The following TTN variants were observed in gnomAD, a reference collection of about 807,000 sequenced individuals.
The protein encoded by TTN is titin, also known as connectin.
A neutral mutation model predicts 3,223.0 loss-of-function variants in TTN; 1,525 were observed. The observed-to-expected ratio is 0.47, with a 90% CI of 0.45 to 0.49. The LOEUF is 0.49. Ranked by LOEUF, TTN falls within the 20% of genes least tolerant of loss-of-function variation. The pLI, the probability that TTN is intolerant of heterozygous loss-of-function variation, is 0.00. For missense variants in TTN, 40,786 were observed against 43,424.0 expected (o/e 0.94, Z 5.40); for synonymous variants, 14,094 against 15,161.0 (o/e 0.93, Z 5.17).
chr2:178,558,712 C>T (rs1702433209), intron 326 of TTN, 75 bp from the exon 327 acceptor site: 2 of 1,432,686 alleles, frequency 1.4e-6, no homozygotes, highest in African/African-American at 1.4e-5. Flanking sequence ...CATGTATTGT[C>T]AAAAGAAAAC....
rs755188257 is a variant in TTN, at chr2:178,532,404, A to G, written c.104211T>C (p.Ala34737=). The change falls in exon 358 of 363, where the codon GCT becomes GCC. Residue 34737 remains alanine, a synonymous_variant. Transcript: ENST00000589042. The part of the protein sequence containing the change: ...RYSTYHIPTK[A]EASTSYAELR... Reference sequence around the variant, plus strand: ...GTTCTGCATAACTTGTACTAGCTTCAGCCTTCGTTGGGATGTGATAGGTTG... The same window carrying G: ...GTTCTGCATAACTTGTACTAGCTTCGGCCTTCGTTGGGATGTGATAGGTTG... 6.2e-7 allele frequency: 1 copy of G among 1,613,976 alleles called. No homozygotes were observed. The highest frequency in any genetic ancestry group is 1.1e-5 in the South Asian group (1 of 91,088).
intron 10 of TTN, 103 bp downstream of exon 10, chr2:178,791,969 C>T (rs921859060): frequency 3.1e-5 from 40 of 1,301,566 alleles, no homozygotes; most frequent in Non-Finnish European, 3.9e-5. Flanking sequence ...AAATATACAA[C>T]CAAAGACTTC....
At chr2:178,779,927 A>C (rs927827822) in intron 22 of TTN, 73 bp downstream of exon 22, 17 of 1,507,054 alleles carry the variant, frequency 1.1e-5, no homozygotes, top group African/African-American at 8.3e-5. Context: ...TCACTTGAAA[A>C]TGAAAATATC....
chr2:178,553,470 T>A (rs749089796), intron 334 of TTN, 32 bp downstream of exon 334: 18 of 1,580,660 alleles, frequency 1.1e-5, no homozygotes, highest in Non-Finnish European at 1.5e-5. Context: ...GTATGCTTAT[T>A]AAAAAACATA....
chr2:178,534,402 T>C lies in TTN; in HGVS notation c.102213A>G (p.Pro34071=), dbSNP rs879066988. The C allele has an allele frequency of 1.7e-5, 27 of 1,611,080 alleles. No individual in the cohort carries two copies. The highest frequency in any genetic ancestry group is 2.2e-5 in the Non-Finnish European group (26 of 1,179,820). The change falls in exon 358 of 363, where the codon CCA becomes CCG. Residue 34071 remains proline (P), a synonymous_variant. Transcript: ENST00000589042. ...RMTASEALQH[P]WLKQKIERVS... ...CTCTTTCTATCTTCTGCTTCAACCATGGGTGCTGGAGAGCCTCCGATGCTG... is the reference window on the plus strand; with the variant it reads ...CTCTTTCTATCTTCTGCTTCAACCACGGGTGCTGGAGAGCCTCCGATGCTG...
Position 178,574,816 on chromosome 2 carries a change from A to G in TTN, c.71316T>C (p.Thr23772=), listed in dbSNP as rs1317521300. The G allele has an allele frequency of 6.2e-7, 1 of 1,612,780 alleles. No individual in the cohort carries two copies. Among genetic ancestry groups the G allele is most frequent in the Non-Finnish European group, 8.5e-7 (1 of 1,179,274 alleles). ...YVVEMRQTDS[T]TWVELATTVI... ...CGGTGGTTGCTAACTCAACCCAGGT[A>G]GTACTGTCAGTCTGCCGCATTTCCA... The change falls in exon 326 of 363, where the codon ACT becomes ACC. Residue 23772 remains threonine, a synonymous_variant. Transcript: ENST00000589042.
chr2:178,731,291 C>T lies in TTN; in HGVS notation c.17461+14G>A, dbSNP rs751425418. On this transcript the variant is annotated intron_variant, in intron 59 of 362. Coordinates refer to ENST00000589042, the MANE Select transcript of TTN (RefSeq NM_001267550.2). Reference sequence around the variant, plus strand: ...ATTTCTTCCTCAAACCCAAGGCAAACGTTCTGAACCAACCTTTTACTGAGA... The same window carrying T: ...ATTTCTTCCTCAAACCCAAGGCAAATGTTCTGAACCAACCTTTTACTGAGA... 11 of 1,612,290 alleles carry T rather than the reference C, an allele frequency of 6.8e-6. No homozygotes were observed. Among genetic ancestry groups the T allele is most frequent in the South Asian group, 4.4e-5 (4 of 90,996 alleles).
At position 178,535,702 on chromosome 2, in the gene TTN, T is replaced by C. The variant is rs760140582; in HGVS notation, c.100913A>G (p.Asn33638Ser). The change falls in exon 358 of 363, where the codon AAT becomes AGT. Residue 33638 changes from asparagine to serine, a missense_variant. Transcript: ENST00000589042. The part of the protein sequence containing the change: ...TWQKGQDLID[N>S]NGHYQVIVTR... Reference sequence around the variant, plus strand: ...GACAATAACTTGGTAGTGGCCATTATTGTCAATGAGATCTTGTCCTTTCTG... The same window carrying C: ...GACAATAACTTGGTAGTGGCCATTACTGTCAATGAGATCTTGTCCTTTCTG... 3.7e-6 allele frequency: 6 copies of C among 1,613,810 alleles called. No individual in the cohort carries two copies. Among genetic ancestry groups the C allele is most frequent in the South Asian group, 1.1e-5 (1 of 91,084 alleles).
chr2:178,804,426 T>C lies in TTN; in HGVS notation c.91+126A>G, dbSNP rs1464338468. ...GTATACCCTTAAAATGACCTTTCCA[T>C]AGTGTTGGACTAATTTTCCGAAGTG... On this transcript the variant is annotated intron_variant, in intron 2 of 362. Coordinates refer to ENST00000589042, the MANE Select transcript of TTN (RefSeq NM_001267550.2). The C allele has an allele frequency of 1.5e-5, 13 of 841,526 alleles. 1 individual carries two copies. Among genetic ancestry groups the C allele is most frequent in the Middle Eastern group, 2.4e-4 (1 of 4,098 alleles). 52.1% of individuals were successfully genotyped at this position (841,526 alleles called of 1,614,324 possible).
At chr2:178,680,771 C>T (rs2154270592) in intron 138 of TTN, among the ~76,000 whole-genome samples, 1 of 152,160 alleles carries the variant, frequency 6.6e-6, no homozygotes, top group South Asian at 2.1e-4. Flanking sequence ...GGTATCATTA[C>T]ATCATTTAGG....
Position 178,537,607 on chromosome 2 carries a change from G to A in TTN, c.99600C>T (p.Tyr33200=). Residue 33200 remains tyrosine (Y), a synonymous_variant, in exon 355 of 363, where the codon TAC becomes TAT. Coordinates refer to ENST00000589042, the MANE Select transcript of TTN (RefSeq NM_001267550.2). ...LQATPQFHPG[Y]PLKEKYYGAV... is the part of the protein sequence containing the mutation. ...CTCCATAATATTTCTCTTTCAGTGGGTAACCAGGATGGAACTGCGGTGTTG... is the reference window on the plus strand; with the variant it reads ...CTCCATAATATTTCTCTTTCAGTGGATAACCAGGATGGAACTGCGGTGTTG... 1 of 1,613,654 alleles carries A rather than the reference G, an allele frequency of 6.2e-7. No individual in the cohort carries two copies. Among genetic ancestry groups the A allele is most frequent in the African/African-American group, 1.3e-5 (1 of 75,014 alleles).
In TTN at chr2:178,576,388, A is replaced by G. The variant is rs774642251; in HGVS notation, c.69744T>C (p.His23248=). The G allele has an allele frequency of 6.4e-6, 10 of 1,564,924 alleles. No homozygotes were observed. The highest frequency in any genetic ancestry group is 8.6e-6 in the Non-Finnish European group (10 of 1,162,950). Residue 23248 remains histidine, a synonymous_variant, in exon 326 of 363, where the codon CAT becomes CAC. Coordinates refer to ENST00000589042, the MANE Select transcript of TTN (RefSeq NM_001267550.2). The surrounding 1 kb of genome is among the most constrained non-coding windows in gnomAD (Gnocchi z 4.3). The stretch of plus-strand genomic sequence containing the variant: ...CAGATTTCTTGGTAGTATCAGTGAC[A>G]TGCGGATTTGAAGGTGGTCCTGGAG... ...AYPPGPPSNP[H]VTDTTKKSAS... is the part of the protein sequence containing the mutation.
rs371022420 is a variant in TTN at position 178,530,266 on chromosome 2, G to C, written c.106349C>G (p.Thr35450Ser). 56 of 1,605,462 alleles carry C rather than the reference G, an allele frequency of 3.5e-5. No homozygotes were observed. In the African/African-American group the frequency reaches 5.8e-4, roughly 17 times the overall value. The stretch of plus-strand genomic sequence containing the variant: ...CTTTCCATCTTTTGTCCAGATGGCA[G>C]TTGGCCGGGGTTCTCCAGTAGCCTT... ...AVKATGEPRP[T>S]AIWTKDGKAI... Residue 35450 changes from threonine to serine, a missense_variant, in exon 358 of 363, where the codon ACT becomes AGT. By Grantham distance (58) the Thr-to-Ser change is moderately conservative. Coordinates refer to ENST00000589042, the MANE Select transcript of TTN (RefSeq NM_001267550.2).
At chr2:178,795,604 C>A (rs1385314656) in intron 6 of TTN, among the ~76,000 whole-genome samples, 1 of 151,972 alleles carries the variant, frequency 6.6e-6, no homozygotes, top group Non-Finnish European at 1.5e-5. Context: ...CCTCTGTATT[C>A]CAAATTCATC....
chr2:178,794,764 A>G (rs2093679695), intron 7 of TTN, among the ~76,000 whole-genome samples, 158 bp downstream of exon 7: 1 of 152,262 alleles, frequency 6.6e-6, no homozygotes, highest in African/African-American at 2.4e-5. Context: ...AAATGGTTTT[A>G]CAAAGCATGA....
At chr2:178,754,896 C>A (rs539020160) in intron 46 of TTN, among the ~76,000 whole-genome samples, 1 of 152,284 alleles carries the variant, frequency 6.6e-6, no homozygotes, top group South Asian at 2.1e-4. Context: ...TTATATGAAT[C>A]AATAAACTGT....
rs114910453 is a variant in TTN, at chr2:178,638,838, A to G, written c.40876+861T>C. The stretch of plus-strand genomic sequence containing the variant: ...ATGCATGTGCAGTTTTGTTATGTGG[A>G]TATATTTCATGATGCTGAGGTCTGG... On this transcript the variant is annotated intron_variant, in intron 223 of 362. Transcript: ENST00000589042. Among the ~76,000 whole-genome samples the G allele has an allele frequency of 7.2e-3, 1,099 of 152,106 alleles. 14 individuals are homozygous for G. The highest frequency in any genetic ancestry group is 0.025 in the African/African-American group (1,057 of 41,526).
chr2:178,527,736 T>C lies in TTN; in HGVS notation c.107390A>G (p.Glu35797Gly). ...TCTCAATACTACCTCTCTGGAAGGT[T>C]CTTCAACTAGAGCTGTGGAGCATAG... is the stretch of plus-strand genomic sequence containing the variant. ...ASLMVLPLVE[E>G]PSREVVLRTS... Residue 35797 changes from glutamate (E) to glycine (G), a missense_variant, in exon 362 of 363, where the codon GAA (glutamate) becomes GGA (glycine). Coordinates refer to ENST00000589042, the MANE Select transcript of TTN (RefSeq NM_001267550.2). The C allele has an allele frequency of 1.3e-6, 2 of 1,597,772 alleles. No individual in the cohort carries two copies. Among genetic ancestry groups the C allele is most frequent in the South Asian group, 1.1e-5 (1 of 88,902 alleles).
Position 178,534,412 on chromosome 2 carries a change from A to C in TTN, c.102203T>G (p.Leu34068Arg), listed in dbSNP as rs747379775. The C allele has an allele frequency of 6.2e-7, 1 of 1,611,578 alleles. No homozygotes were observed. The highest frequency in any genetic ancestry group is 8.5e-7 in the Non-Finnish European group (1 of 1,179,814). ...RKSRMTASEA[L>R]QHPWLKQKIE... ...CTTCTGCTTCAACCATGGGTGCTGG[A>C]GAGCCTCCGATGCTGTCATGCGAGA... The change falls in exon 358 of 363, where the codon CTC becomes CGC. Residue 34068 changes from leucine (L) to arginine (R), a missense_variant. Coordinates refer to ENST00000589042, the MANE Select transcript of TTN (RefSeq NM_001267550.2).
Sources: allele counts gnomAD v4.1 joint callset (sites outside exome capture counted in the v4.1 genomes callset), GRCh38; gene constraint gnomAD v4.1.1; non-coding constraint Gnocchi (gnomAD v3.1); transcripts MANE v1.5; gene names NCBI Gene and HGNC (gene_info 2026-07-23, HGNC 2026-07-21).